The following RABGAP1L variants were observed in gnomAD, a reference collection of about 807,000 sequenced individuals.
The protein encoded by RABGAP1L is rab GTPase-activating protein 1-like.
Under a neutral mutation model 137.7 loss-of-function variants are expected in RABGAP1L, and 63 were observed. The ratio of observed to expected loss-of-function variants is 0.46; its 90% CI spans 0.37 to 0.56. The LOEUF is 0.56. Among genes scored for constraint, RABGAP1L ranks in the 20% least tolerant of loss-of-function variants. RABGAP1L has a pLI of 0.00. For synonymous variants in RABGAP1L, 431 were observed against 433.7 expected (o/e 0.99, Z 0.08); for missense variants, 1,095 against 1,244.0 (o/e 0.88, Z 1.80).
At chr1:174,374,407 T>A (rs1455694369) in intron 12 of RABGAP1L, among the ~76,000 whole-genome samples, 3 of 152,128 alleles carry the variant, frequency 2.0e-5, no homozygotes, top group African/African-American at 4.8e-5. Flanking sequence ...TTACTGAGAA[T>A]TGGGTGCTTA....
intron 19 of RABGAP1L, among the ~76,000 whole-genome samples, chr1:174,879,620 T>C (rs1259284510): frequency 6.6e-6 from 1 of 152,180 alleles, no homozygotes. Flanking sequence ...AATGAACCAG[T>C]AGATTATGTG....
chr1:174,629,307 C>T (rs1673145867), intron 13 of RABGAP1L, among the ~76,000 whole-genome samples: 1 of 152,212 alleles, frequency 6.6e-6, no homozygotes, highest in African/African-American at 2.4e-5. Flanking sequence ...AAGTTCAGTA[C>T]ACAATTTCAT....
intron 17 of RABGAP1L, among the ~76,000 whole-genome samples, chr1:174,749,307 T>G (rs536945291): frequency 6.6e-6 from 1 of 152,262 alleles, no homozygotes; most frequent in South Asian, 2.1e-4. Context: ...GTTATCTTTT[T>G]TTTTTTCTGT....
At chr1:174,440,565 A>C (rs1320497040) in intron 13 of RABGAP1L, among the ~76,000 whole-genome samples, 1 of 152,062 alleles carries the variant, frequency 6.6e-6, no homozygotes, top group Non-Finnish European at 1.5e-5. Context: ...TTTAGTCTCT[A>C]TTTGTTTATT....
intron 13 of RABGAP1L, among the ~76,000 whole-genome samples, chr1:174,411,268 A>G (rs540114905): frequency 4.6e-5 from 7 of 152,104 alleles, no homozygotes; most frequent in Admixed American, 1.3e-4. Context: ...TTCCATTACT[A>G]TGTTGAATAG....
intron 13 of RABGAP1L, among the ~76,000 whole-genome samples, chr1:174,518,151 A>G (rs1470611270): frequency 6.6e-6 from 1 of 152,220 alleles, no homozygotes; most frequent in East Asian, 1.9e-4. Context: ...GATTCTGGTC[A>G]TCTGAGATTC....
intron 18 of RABGAP1L, among the ~76,000 whole-genome samples, chr1:174,777,658 A>G (rs1351886822): frequency 6.6e-6 from 1 of 152,236 alleles, no homozygotes; most frequent in Non-Finnish European, 1.5e-5. Flanking sequence ...TTTATTCCAT[A>G]TGTTCAAAAA....
At position 174,431,116 on chromosome 1, in the gene RABGAP1L, T is replaced by C. The variant is rs1004059408; in HGVS notation, c.1710+36971T>C. Among the ~76,000 whole-genome samples the C allele has an allele frequency of 8.5e-5, 13 of 152,310 alleles. No individual in the cohort carries two copies. In the South Asian group the frequency reaches 1.5e-3, roughly 17 times the overall value. ...GAACCAACACTTCTTACCTATAATG[T>C]GAACCCATTATTTAAAATGGGTCTG... On this transcript the variant is annotated intron_variant, in intron 13 of 25. Transcript: ENST00000681986.
At chr1:174,968,060 C>G (rs1180659225) in intron 20 of RABGAP1L, among the ~76,000 whole-genome samples, 2 of 152,036 alleles carry the variant, frequency 1.3e-5, no homozygotes, top group African/African-American at 4.8e-5. Flanking sequence ...CAGACTTTGC[C>G]CTTACCATGT....
chr1:174,229,968 G>A (rs1418122158), intron 3 of RABGAP1L, among the ~76,000 whole-genome samples: 1 of 152,144 alleles, frequency 6.6e-6, no homozygotes, highest in Non-Finnish European at 1.5e-5. Flanking sequence ...TCTAACTGGT[G>A]TGAGATGGTA....
At chr1:174,756,440 G>A (rs189278604) in intron 18 of RABGAP1L, among the ~76,000 whole-genome samples, 4 of 152,148 alleles carry the variant, frequency 2.6e-5, no homozygotes, top group African/African-American at 7.2e-5. Flanking sequence ...ATGAGCCACC[G>A]CACCCTGCCC....
chr1:174,892,176 G>A (rs376703256), intron 19 of RABGAP1L, among the ~76,000 whole-genome samples: 1 of 152,320 alleles, frequency 6.6e-6, no homozygotes, highest in Non-Finnish European at 1.5e-5. Flanking sequence ...TCCAGCACTC[G>A]GGTTGGGCCG....
At chr1:174,608,168 A>T (rs1300377925) in intron 13 of RABGAP1L, among the ~76,000 whole-genome samples, 2 of 152,190 alleles carry the variant, frequency 1.3e-5, no homozygotes, top group African/African-American at 2.4e-5. Context: ...CCTAAGTGTG[A>T]GGCATGACTC....
At chr1:174,849,541 G>T (rs1647851154) in intron 19 of RABGAP1L, 1 of 315,766 alleles carries the variant, frequency 3.2e-6, no homozygotes, top group South Asian at 2.8e-5. Flanking sequence ...AGTCAGGGAG[G>T]TCAATAAATA....
At position 174,450,786 on chromosome 1, in the gene RABGAP1L, T is replaced by G. The variant is rs562680412; in HGVS notation, c.1710+56641T>G. 4.6e-5 allele frequency among the ~76,000 whole-genome samples: 7 copies of G among 152,332 alleles called. No homozygotes were observed. In the South Asian group the frequency reaches 1.4e-3, roughly 32 times the overall value. ...TCTTGCCTGAAAGATATTTTAAAAT[T>G]TATATCAAACTACTGAGTATTTTTC... is the stretch of plus-strand genomic sequence containing the variant. On this transcript the variant is annotated intron_variant, in intron 13 of 25. Coordinates refer to ENST00000681986, the MANE Select transcript of RABGAP1L (RefSeq NM_001366446.1).
chr1:174,832,154 G>A, intron 19 of RABGAP1L, among the ~76,000 whole-genome samples: 1 of 146,708 alleles, frequency 6.8e-6, no homozygotes, highest in East Asian at 2.2e-4. Context: ...TTAGCCAGGT[G>A]TGGTGTCAGG....
rs191230314 is a variant in RABGAP1L at position 174,713,587 on chromosome 1, G to C, written c.2169+11331G>C. Among the ~76,000 whole-genome samples the C allele has an allele frequency of 2.7e-3, 412 of 152,292 alleles. 5 individuals are homozygous for C. The highest frequency in any genetic ancestry group is 8.2e-3 in the African/African-American group (341 of 41,566). On this transcript the variant is annotated intron_variant, in intron 17 of 25. Transcript: ENST00000681986. ...CCCTGCTCTCGTTTACTCTCTCACT[G>C]TATGATGTGCTGGCTCGCCCTTGTC...
chr1:174,413,255 A>G (rs567918196), intron 13 of RABGAP1L, among the ~76,000 whole-genome samples: 4 of 152,180 alleles, frequency 2.6e-5, no homozygotes, highest in South Asian at 2.1e-4. Context: ...TTCTGTTGCT[A>G]ACACATTCAA....
At chr1:174,857,469 T>C (rs1649513903) in intron 19 of RABGAP1L, among the ~76,000 whole-genome samples, 1 of 152,224 alleles carries the variant, frequency 6.6e-6, no homozygotes, top group African/African-American at 2.4e-5. Flanking sequence ...CATTAGATAA[T>C]AATCTCTAAA....
Sources: gnomAD v4.1 joint callset for allele counts (sites outside exome capture counted in the v4.1 genomes callset) on GRCh38, gnomAD v4.1.1 for gene constraint, MANE v1.5 for transcripts, NCBI Gene and HGNC (gene_info 2026-07-23, HGNC 2026-07-21) for gene names.